TMEM135: variants seen among roughly 807,000 people sequenced by gnomAD.
TMEM135 encodes peroxisomal membrane protein 52.
A neutral mutation model predicts 60.3 loss-of-function variants in TMEM135; 30 were observed. The ratio of observed to expected loss-of-function variants is 0.50; its 90% confidence interval spans 0.37 to 0.68. TMEM135 has a LOEUF of 0.68. Among genes scored for constraint, TMEM135 ranks in the 30% least tolerant of loss-of-function variants. TMEM135 has a pLI of 0.00. For missense variants in TMEM135, 468 were observed against 548.8 expected (o/e 0.85, Z 1.47); for synonymous variants, 190 against 186.7 (o/e 1.02, Z -0.14).
intron 4 of TMEM135, among the ~76,000 whole-genome samples, chr11:87,143,737 C>T (rs568769223): frequency 2.0e-5 from 3 of 152,258 alleles, no homozygotes; most frequent in South Asian, 4.1e-4. Context: ...GAATTTGTGT[C>T]TCAGTCTTTC....
At chr11:87,130,699 G>C (rs1268340870) in intron 4 of TMEM135, among the ~76,000 whole-genome samples, 1 of 152,006 alleles carries the variant, frequency 6.6e-6, no homozygotes. Context: ...ACTGGGTCTT[G>C]ATAAGTTGCC....
intron 2 of TMEM135, among the ~76,000 whole-genome samples, chr11:87,070,158 C>CTTGTCTCT (rs1856747832): frequency 6.6e-6 from 1 of 151,996 alleles, no homozygotes; most frequent in Non-Finnish European, 1.5e-5. Flanking sequence ...GGTGACAGGG[C>CTTGTCTCT]AAGACCTTGT....
At chr11:87,310,563 C>T (rs1942623859) in intron 10 of TMEM135, among the ~76,000 whole-genome samples, 1 of 149,024 alleles carries the variant, frequency 6.7e-6, no homozygotes, top group African/African-American at 2.5e-5. Flanking sequence ...CTGCACCACA[C>T]AATATACCCC....
chr11:87,290,584 C>CA (rs1183462298), intron 6 of TMEM135, among the ~76,000 whole-genome samples: 1 of 152,092 alleles, frequency 6.6e-6, no homozygotes, highest in Non-Finnish European at 1.5e-5. Flanking sequence ...ATTTTACTAT[C>CA]ATTTACACTT....
At chr11:87,151,290 A>AT (rs1488450177) in intron 4 of TMEM135, among the ~76,000 whole-genome samples, 3 of 151,908 alleles carry the variant, frequency 2.0e-5, no homozygotes, top group African/African-American at 2.4e-5. Flanking sequence ...TTTTATTTGG[A>AT]ATTTTTTTAC....
At chr11:87,270,527 G>A (rs1188401887) in intron 6 of TMEM135, among the ~76,000 whole-genome samples, 5 of 152,114 alleles carry the variant, frequency 3.3e-5, no homozygotes, top group Admixed American at 6.5e-5. Flanking sequence ...TCTGTAAAAA[G>A]TCCTACAATA....
At chr11:87,266,033 C>T (rs1254377259) in intron 6 of TMEM135, among the ~76,000 whole-genome samples, 1 of 152,024 alleles carries the variant, frequency 6.6e-6, no homozygotes, top group Non-Finnish European at 1.5e-5. Context: ...ATTCATGACT[C>T]ACAGTAATGA....
At chr11:87,313,513 G>A in intron 11 of TMEM135, 25 bp downstream of exon 11, 1 of 1,550,706 alleles carries the variant, frequency 6.4e-7, no homozygotes, top group South Asian at 1.1e-5. Flanking sequence ...AAAATGAATG[G>A]TTATTATTGT....
intron 5 of TMEM135, among the ~76,000 whole-genome samples, chr11:87,173,300 G>T (rs1230425549): frequency 6.6e-6 from 1 of 152,134 alleles, no homozygotes; most frequent in Admixed American, 6.6e-5. Flanking sequence ...CATTGATAGC[G>T]TCCTAAAGGC....
intron 5 of TMEM135, among the ~76,000 whole-genome samples, chr11:87,159,593 G>GCACACACACACACACACACACACA (rs146638445): frequency 8.0e-6 from 1 of 124,878 alleles, no homozygotes; most frequent in African/African-American, 2.8e-5. Flanking sequence ...ACACACACGC[G>GCACACACACACACACACACACACA]CACACACACA....
rs147457195 is a variant in TMEM135, at chr11:87,308,566, C to G, written c.769-939C>G. Among the ~76,000 whole-genome samples the G allele has an allele frequency of 1.2e-4, 19 of 152,152 alleles. 1 individual carries two copies. The East Asian group carries it at 3.7e-3, about 29-fold the overall frequency. On this transcript the variant is annotated intron_variant, in intron 9 of 14. Coordinates refer to ENST00000305494, the MANE Select transcript of TMEM135 (RefSeq NM_022918.4). ...TACAAACCTAACTTTTGGGCATACA[C>G]TGCTATGAGTGTAGATATTTTCCAA... is the stretch of plus-strand genomic sequence containing the variant.
rs780822652 is a variant in TMEM135, at chr11:87,319,354, C to T, written c.1221C>T (p.Phe407=). ...VQTLRPSYWK[F]LLRLTKGKFA... is the part of the protein sequence containing the mutation. ...CTTTGAGACCATCTTACTGGAAGTTCCTTTTAAGACTCACCAAGGGCAAGT... is the reference window on the plus strand; with the variant it reads ...CTTTGAGACCATCTTACTGGAAGTTTCTTTTAAGACTCACCAAGGGCAAGT... The change falls in exon 14 of 15, where the codon TTC becomes TTT. Residue 407 remains phenylalanine (F), a synonymous_variant. Coordinates refer to ENST00000305494, the MANE Select transcript of TMEM135 (RefSeq NM_022918.4). 6.2e-7 allele frequency: 1 copy of T among 1,613,206 alleles called. No homozygotes were observed. Among genetic ancestry groups the T allele is most frequent in the South Asian group, 1.1e-5 (1 of 91,048 alleles).
At chr11:87,119,037 C>G (rs944528519) in intron 4 of TMEM135, among the ~76,000 whole-genome samples, 2 of 152,206 alleles carry the variant, frequency 1.3e-5, no homozygotes, top group Admixed American at 1.3e-4. Flanking sequence ...ACTGTTATAG[C>G]ACTTTTAATT....
chr11:87,274,786 C>CTGTGTGTGTGTGTGTGTGTGTGTG (rs10655114), intron 6 of TMEM135, among the ~76,000 whole-genome samples: 1 of 129,290 alleles, frequency 7.7e-6, no homozygotes, highest in Non-Finnish European at 1.6e-5. Context: ...CATAGCAAGA[C>CTGTGTGTGTGTGTGTGTGTGTGTG]TGTGTGTGTG....
intron 6 of TMEM135, among the ~76,000 whole-genome samples, chr11:87,250,001 T>C (rs1262168916): frequency 6.6e-6 from 1 of 152,116 alleles, no homozygotes; most frequent in Admixed American, 6.5e-5. Flanking sequence ...TCTATTCAGG[T>C]TTTGGAATTC....
At chr11:87,131,962 T>C (rs1937945376) in intron 4 of TMEM135, among the ~76,000 whole-genome samples, 1 of 152,068 alleles carries the variant, frequency 6.6e-6, no homozygotes, top group Non-Finnish European at 1.5e-5. Flanking sequence ...ATGTGAAGGA[T>C]CTGGTTGCTC....
chr11:87,145,770 A>G (rs1470924347), intron 4 of TMEM135, among the ~76,000 whole-genome samples: 1 of 151,360 alleles, frequency 6.6e-6, no homozygotes. Context: ...ATTTTTTTCA[A>G]TTGAATTTTT....
rs201475179 is a variant in TMEM135 at position 87,177,674 on chromosome 11, C to CT, written c.462+20275dup. On this transcript the variant is annotated intron_variant, in intron 5 of 14. Transcript: ENST00000305494. ...CAGGTAACCACTAATCTTTTTGTCT[C>CT]TTTTTTTCCATTTCCGCCCTCTGTG... Among the ~76,000 whole-genome samples, 1,226 of 152,170 alleles carry CT rather than the reference C, an allele frequency of 8.1e-3. 13 individuals carry two copies. The highest frequency in any genetic ancestry group is 0.028 in the African/African-American group (1,144 of 41,504).
At chr11:87,215,680 C>G (rs192691532) in intron 5 of TMEM135, among the ~76,000 whole-genome samples, 54 of 152,282 alleles carry the variant, frequency 3.5e-4, no homozygotes, top group African/African-American at 1.2e-3. Flanking sequence ...GGGAACTTAC[C>G]TCTCTATCTC....
Sources: gnomAD v4.1 joint callset for allele counts (sites outside exome capture counted in the v4.1 genomes callset) on GRCh38, gnomAD v4.1.1 for gene constraint, MANE v1.5 for transcripts, NCBI Gene and HGNC (gene_info 2026-07-23, HGNC 2026-07-21) for gene names.